Variants in DNAH10 observed in about 807,000 individuals in gnomAD.
The protein encoded by DNAH10 is axonemal beta dynein heavy chain 10.
A neutral mutation model predicts 506.6 loss-of-function variants in DNAH10; 348 were observed. The observed-to-expected ratio is 0.69, with a 90% CI of 0.63 to 0.75. The LOEUF is 0.75. Ranked by LOEUF, DNAH10 falls within the 30% of genes least tolerant of loss-of-function variation. The pLI is 0.00. For missense variants in DNAH10, 5,179 were observed against 5,787.1 expected (o/e 0.89, Z 3.41); for synonymous variants, 2,059 against 2,198.6 (o/e 0.94, Z 1.78).
At chr12:123,879,589 G>GTACTGTTGTTGAGTT in intron 49 of DNAH10, 45 bp from the exon 50 acceptor site, 2 of 1,611,360 alleles carry the variant, frequency 1.2e-6, no homozygotes, top group Non-Finnish European at 1.7e-6. Context: ...TTCAGGCCGT[G>GTACTGTTGTTGAGTT]TACTGTTGTT....
chr12:123,820,991 T>C (rs144995694), intron 24 of DNAH10, among the ~76,000 whole-genome samples: 15 of 152,356 alleles, frequency 9.8e-5, no homozygotes, highest in African/African-American at 3.6e-4. Flanking sequence ...GGCTCACGCC[T>C]GTAATCCCAG....
At chr12:123,889,960 C>T (rs916564136) in intron 52 of DNAH10, among the ~76,000 whole-genome samples, 12 of 152,198 alleles carry the variant, frequency 7.9e-5, no homozygotes, top group Admixed American at 5.2e-4. Flanking sequence ...AACTCAGCTG[C>T]TTCTCTCTTG....
intron 17 of DNAH10, 120 bp downstream of exon 17, chr12:123,803,945 C>G: frequency 2.1e-6 from 2 of 934,404 alleles, no homozygotes; most frequent in Non-Finnish European, 3.1e-6. Context: ...CCATGAATGG[C>G]ATCAAACCAT....
Position 123,881,503 on chromosome 12 carries a change from A to AT in DNAH10, c.8635-116dup, listed in dbSNP as rs1411230740. ...GCCCACTTTTTGATGAAGTTGTTTG[A>AT]TTTTTTCTCGTAAATTTGTTTAAGT... On this transcript the variant is annotated intron_variant, in intron 50 of 78. Coordinates refer to ENST00000673944, the MANE Select transcript of DNAH10 (RefSeq NM_001372106.1). 67 of 1,034,964 alleles carry AT rather than the reference A, an allele frequency of 6.5e-5. 1 individual carries two copies. The Middle Eastern group carries it at 8.3e-4, about 13-fold the overall frequency. The allele number at this position is 1,034,964 out of a possible 1,614,324, so 64.1% of individuals were successfully genotyped here. A position where few individuals can be genotyped will look rare whatever the true frequency, so the allele number is the denominator to read the frequency against.
intron 5 of DNAH10, among the ~76,000 whole-genome samples, chr12:123,777,871 A>G (rs1163808547): frequency 6.6e-6 from 1 of 151,948 alleles, no homozygotes; most frequent in African/African-American, 2.4e-5. Flanking sequence ...GTATGTTGCC[A>G]AGGCTGGTCT....
intron 46 of DNAH10, 33 bp downstream of exon 46, chr12:123,873,743 G>A (rs1450296604): frequency 2.5e-6 from 4 of 1,574,482 alleles, no homozygotes; most frequent in Non-Finnish European, 8.6e-7. Context: ...GGAGGGATGG[G>A]TCAAGACAGT....
At chr12:123,898,959 G>A (rs765941565) in intron 56 of DNAH10, 145 bp downstream of exon 56, 58 of 1,270,590 alleles carry the variant, frequency 4.6e-5, no homozygotes, top group Middle Eastern at 2.8e-4. Context: ...GGCACTGAGC[G>A]TGCCATCTTT....
At chr12:123,772,162 C>G (rs1957276408) in intron 3 of DNAH10, among the ~76,000 whole-genome samples, 1 of 152,166 alleles carries the variant, frequency 6.6e-6, no homozygotes, top group Non-Finnish European at 1.5e-5. Context: ...CGTGGCTGAC[C>G]TTAGTTACTC....
rs372382649 is a variant in DNAH10, at chr12:123,934,665, A to G, written c.13522A>G (p.Ile4508Val). The change falls in exon 78 of 79, where the codon ATA becomes GTA. Residue 4508 changes from isoleucine (I) to valine (V), a missense_variant. By Grantham distance (29) the Ile-to-Val change is conservative. Transcript: ENST00000673944. ...GTACCTGGAAGGTGCTGACTGGGATATAGAAAAAGGATGTCTTATCAAGAG... is the reference window on the plus strand; with the variant it reads ...GTACCTGGAAGGTGCTGACTGGGATGTAGAAAAAGGATGTCTTATCAAGAG... ...GLYLEGADWDIEKGCLIKSKP... is the reference protein window; with the variant it reads ...GLYLEGADWDVEKGCLIKSKP... 4.2e-5 allele frequency: 68 copies of G among 1,613,758 alleles called. No homozygotes were observed. The African/African-American group carries it at 8.8e-4, about 21-fold the overall frequency.
Position 123,783,261 on chromosome 12 carries a change from T to TCAGGTAGTTTGTG in DNAH10, c.999+2_999+14dup. Reference sequence around the variant, plus strand: ...TTGAGGCCCAACTGAAGAAGACACCTCAGGTAGTTTGTGCAGGGCTTTCAG... The same window carrying TCAGGTAGTTTGTG: ...TTGAGGCCCAACTGAAGAAGACACCTCAGGTAGTTTGTGCAGGTAGTTTGTGCAGGGCTTTCAG... On this transcript the variant is annotated frameshift_variant, in exon 7 of 79. Transcript: ENST00000673944. LOFTEE classifies it high-confidence loss of function. The TCAGGTAGTTTGTG allele has an allele frequency of 6.2e-7, 1 of 1,613,776 alleles. No homozygotes were observed. Among genetic ancestry groups the TCAGGTAGTTTGTG allele is most frequent in the Non-Finnish European group, 8.5e-7 (1 of 1,179,968 alleles).
rs749243741 is a variant in DNAH10, at chr12:123,908,755, C to T, written c.9816-506C>T. 7.0e-4 allele frequency among the ~76,000 whole-genome samples: 107 copies of T among 152,244 alleles called. 1 individual carries two copies. The Middle Eastern group carries it at 0.01, about 15-fold the overall frequency. The stretch of plus-strand genomic sequence containing the variant: ...CATAGCCTGGAAAGAGCCCAGGATG[C>T]GGGGACCCCAGGCTTCCCAGGCGGT... On this transcript the variant is annotated intron_variant, in intron 57 of 78. Transcript: ENST00000673944.
intron 30 of DNAH10, 106 bp downstream of exon 30, chr12:123,841,651 G>T: frequency 4.5e-6 from 5 of 1,114,466 alleles, no homozygotes; most frequent in South Asian, 1.5e-5. Flanking sequence ...ATGAGGTTTT[G>T]TTTTTTTGCA....
intron 29 of DNAH10, among the ~76,000 whole-genome samples, chr12:123,840,737 C>A (rs551732648): frequency 6.6e-6 from 1 of 151,994 alleles, no homozygotes; most frequent in Non-Finnish European, 1.5e-5. Flanking sequence ...ATATGGTGGG[C>A]CCTAAAGGAC....
intron 29 of DNAH10, among the ~76,000 whole-genome samples, chr12:123,839,961 A>G (rs1440040824): frequency 1.3e-5 from 2 of 152,198 alleles, no homozygotes; most frequent in African/African-American, 4.8e-5. Flanking sequence ...CTGGCCAGAC[A>G]TGATCTTTGG....
In DNAH10 at chr12:123,909,121, G is replaced by A; in HGVS notation, c.9816-140G>A. ...CGCCCAGGAGTGCGGTTTGTGTTGG[G>A]ACCTGGCTTCTTTCGTTTGCTTGCA... On this transcript the variant is annotated intron_variant, in intron 57 of 78. Transcript: ENST00000673944. This position sits in a 1 kb window ranked among gnomAD's most constrained non-coding sequence, Gnocchi z 5.4. The A allele has an allele frequency of 8.5e-7, 1 of 1,175,372 alleles. No individual in the cohort carries two copies. The highest frequency in any genetic ancestry group is 1.2e-6 in the Non-Finnish European group (1 of 836,364). The allele number at this position is 1,175,372 out of a possible 1,614,324, so 72.8% of individuals were successfully genotyped here.
intron 65 of DNAH10, among the ~76,000 whole-genome samples, chr12:123,922,266 G>T (rs559827175): frequency 8.1e-5 from 11 of 136,042 alleles, no homozygotes; most frequent in Non-Finnish European, 1.6e-4. Flanking sequence ...CCAGCTACTG[G>T]GGGGGAGGCT....
Position 123,838,580 on chromosome 12 carries a change from T to G in DNAH10, c.5027T>G (p.Leu1676Ter), listed in dbSNP as rs757579236. 2.5e-5 allele frequency: 40 copies of G among 1,614,022 alleles called. No homozygotes were observed. Among genetic ancestry groups the G allele is most frequent in the Non-Finnish European group, 3.4e-5 (40 of 1,179,888 alleles). ...TGCCAGAAAAGCCTCAACGACTACT[T>G]AGATTCGAAGAGAAATGCTTTCCCA... is the stretch of plus-strand genomic sequence containing the variant. ...EKCQKSLNDY[L>*]DSKRNAFPRF... The change falls in exon 29 of 79, where the codon TTA becomes TGA. Residue 1676 changes from leucine to a stop codon, truncating the protein, a stop_gained. Transcript: ENST00000673944. LOFTEE classifies it high-confidence loss of function.
At chr12:123,860,899 T>C (rs1024233498) in intron 38 of DNAH10, 113 bp from the exon 39 acceptor site, 1 of 1,425,558 alleles carries the variant, frequency 7.0e-7, no homozygotes, top group Admixed American at 1.8e-5. Flanking sequence ...ATGGGTTGCA[T>C]TTTCAATTTT....
chr12:123,894,791 C>T, intron 54 of DNAH10, 68 bp downstream of exon 54: 1 of 1,391,520 alleles, frequency 7.2e-7, no homozygotes, highest in South Asian at 1.2e-5. Flanking sequence ...CCTTTTCTGA[C>T]TTTGAATTCT....
Sources: allele counts gnomAD v4.1 joint callset (sites outside exome capture counted in the v4.1 genomes callset), GRCh38; gene constraint gnomAD v4.1.1; non-coding constraint Gnocchi (gnomAD v3.1); transcripts MANE v1.5; gene names NCBI Gene and HGNC (gene_info 2026-07-23, HGNC 2026-07-21).